The following ARID1B variants were observed in gnomAD, a reference collection of about 807,000 sequenced individuals.
The protein encoded by ARID1B is AT-rich interaction domain 1B, also known as AT-rich interactive domain-containing protein 1B.
ARID1B carries 30 observed loss-of-function variants against 212.3 expected under a neutral mutation model. The observed-to-expected ratio is 0.14, with a 90% CI of 0.11 to 0.19. The LOEUF is 0.19. Ranked by LOEUF, ARID1B falls within the 10% of genes least tolerant of loss-of-function variation. ARID1B has a pLI of 1.00. For synonymous variants in ARID1B, 1,402 were observed against 1,301.7 expected, an observed-to-expected ratio of 1.08 and a Z score of -1.66; for missense variants, 2,891 against 3,204.0, an observed-to-expected ratio of 0.90 and a Z score of 2.36.
Position 156,924,805 on chromosome 6 carries a change from A to G in ARID1B, c.2137-10661A>G, listed in dbSNP as rs541026954. Among the ~76,000 whole-genome samples, 9 of 152,302 alleles carry G rather than the reference A, an allele frequency of 5.9e-5. No individual in the cohort carries two copies. The South Asian group carries it at 1.7e-3, about 28-fold the overall frequency. ...TATAGATTTTTAAAAATTATTAGAT[A>G]CATTACTTTTTCCCTACAAAAAGTA... On this transcript the variant is annotated intron_variant, in intron 3 of 19. Coordinates refer to ENST00000636930, the MANE Select transcript of ARID1B (RefSeq NM_001374828.1).
rs145480545 is a variant in ARID1B, at chr6:157,078,458, G to A, written c.2248-6204G>A. On this transcript the variant is annotated intron_variant, in intron 4 of 19. Transcript: ENST00000636930. The stretch of plus-strand genomic sequence containing the variant: ...TACTATGTTGAGAGGTCTATTTGTT[G>A]TTCTTTCTAGTCTACGTAACTCCTG... Among the ~76,000 whole-genome samples the A allele has an allele frequency of 4.5e-3, 688 of 152,272 alleles. 1 individual carries two copies. Among genetic ancestry groups the A allele is most frequent in the African/African-American group, 0.015 (641 of 41,550 alleles).
chr6:156,894,318 T>TGGGGAG (rs1788217681), intron 2 of ARID1B, among the ~76,000 whole-genome samples: 1 of 111,080 alleles, frequency 9.0e-6, no homozygotes. Flanking sequence ...GGGGTTGGGA[T>TGGGGAG]GGGGAACAGA....
intron 4 of ARID1B, among the ~76,000 whole-genome samples, chr6:156,954,809 C>G (rs1793841888): frequency 6.6e-6 from 1 of 152,182 alleles, no homozygotes; most frequent in Non-Finnish European, 1.5e-5. Flanking sequence ...TTAATAGTTA[C>G]TTTAACTATT....
chr6:156,816,996 G>A (rs1444449769), intron 1 of ARID1B, among the ~76,000 whole-genome samples: 1 of 151,846 alleles, frequency 6.6e-6, no homozygotes, highest in African/African-American at 2.4e-5. Context: ...ATAATCAGAA[G>A]GTCTGGCAGG....
chr6:157,120,497 C>T (rs766236339), intron 6 of ARID1B, among the ~76,000 whole-genome samples: 1 of 152,194 alleles, frequency 6.6e-6, no homozygotes, highest in Non-Finnish European at 1.5e-5. Context: ...TTCCTGTCTT[C>T]TTCAAAGTAG....
intron 7 of ARID1B, among the ~76,000 whole-genome samples, chr6:157,138,981 T>C (rs1212239116): frequency 2.0e-5 from 3 of 152,206 alleles, no homozygotes; most frequent in Admixed American, 1.3e-4. Flanking sequence ...CTTCAAGTTA[T>C]AAGACGTAAG....
intron 1 of ARID1B, among the ~76,000 whole-genome samples, chr6:156,794,354 A>G (rs1001385418): frequency 2.0e-5 from 3 of 151,872 alleles, no homozygotes; most frequent in Non-Finnish European, 4.4e-5. Context: ...GGCCCAAGCA[A>G]TCCTCCCACC....
intron 3 of ARID1B, among the ~76,000 whole-genome samples, chr6:156,915,759 G>A (rs1355509634): frequency 6.6e-6 from 1 of 151,934 alleles, no homozygotes; most frequent in Non-Finnish European, 1.5e-5. Context: ...AGCTAGATGT[G>A]GTGGTGCATA....
chr6:156,915,222 T>C (rs910031326), intron 3 of ARID1B, among the ~76,000 whole-genome samples: 1 of 152,214 alleles, frequency 6.6e-6, no homozygotes, highest in African/African-American at 2.4e-5. Context: ...TAGATGCATG[T>C]ATGTGAGCAA....
chr6:157,103,285 A>G (rs925564701), intron 5 of ARID1B, among the ~76,000 whole-genome samples: 6 of 152,242 alleles, frequency 3.9e-5, no homozygotes, highest in African/African-American at 1.2e-4. Context: ...AATGGTTACT[A>G]TATGCCTGGT....
chr6:157,184,738 T>A lies in ARID1B; in HGVS notation c.3919+303T>A, dbSNP rs1377281032. On this transcript the variant is annotated intron_variant, in intron 13 of 19. Coordinates refer to ENST00000636930, the MANE Select transcript of ARID1B (RefSeq NM_001374828.1). The stretch of plus-strand genomic sequence containing the variant: ...TATACGTTTATTGCTTATACAAGTA[T>A]TCAAAAAGATTCCATCTACCTCTAC... The A allele has an allele frequency of 9.6e-6, 4 of 418,172 alleles. No homozygotes were observed. In the Admixed American group the frequency reaches 1.6e-4, roughly 16 times the overall value. The allele number at this position is 418,172 out of a possible 1,614,324, so 25.9% of individuals were successfully genotyped here. A position where few individuals can be genotyped will look rare whatever the true frequency, so the allele number is the denominator to read the frequency against.
chr6:157,020,901 C>T (rs2128472610), intron 4 of ARID1B, among the ~76,000 whole-genome samples: 1 of 152,288 alleles, frequency 6.6e-6, no homozygotes, highest in South Asian at 2.1e-4. Flanking sequence ...TGGCTAGAAA[C>T]GATACATTCT....
intron 12 of ARID1B, among the ~76,000 whole-genome samples, chr6:157,182,948 T>A (rs1792671996): frequency 6.6e-6 from 1 of 152,184 alleles, no homozygotes; most frequent in African/African-American, 2.4e-5. Flanking sequence ...TTAGATTTTA[T>A]CAGCCAGCAC....
intron 4 of ARID1B, among the ~76,000 whole-genome samples, chr6:157,019,453 T>C (rs1780096930): frequency 6.6e-6 from 1 of 152,236 alleles, no homozygotes; most frequent in South Asian, 2.1e-4. Flanking sequence ...AAGAAACTTG[T>C]CTAACTTCTC....
At chr6:157,180,930 A>G (rs750429778) in intron 11 of ARID1B, 39 bp from the exon 12 acceptor site, 5 of 1,577,066 alleles carry the variant, frequency 3.2e-6, no homozygotes, top group Non-Finnish European at 3.5e-6. Context: ...CCCTCTGCCC[A>G]CCCATGCCCC....
Position 156,779,093 on chromosome 6 carries a change from G to C in ARID1B, c.1413G>C (p.Ala471=), listed in dbSNP as rs2114995562. 1 of 1,226,568 alleles carries C rather than the reference G, an allele frequency of 8.2e-7. No homozygotes were observed. Among genetic ancestry groups the C allele is most frequent in the African/African-American group, 1.6e-5 (1 of 62,380 alleles). The allele number at this position is 1,226,568 out of a possible 1,614,324, so 76.0% of individuals were successfully genotyped here. The part of the protein sequence containing the change: ...MMMGPGGGGA[A]SLSKAAAGSA... ...TGGGCCCCGGGGGCGGCGGGGCCGC[G>C]AGCCTCAGCAAGGCGGCCGCCGGCT... Residue 471 remains alanine, a synonymous_variant, in exon 1 of 20, where the codon GCG becomes GCC. Coordinates refer to ENST00000636930, the MANE Select transcript of ARID1B (RefSeq NM_001374828.1).
chr6:156,815,930 C>T (rs1781934062), intron 1 of ARID1B, among the ~76,000 whole-genome samples: 1 of 152,064 alleles, frequency 6.6e-6, no homozygotes, highest in Admixed American at 6.6e-5. Context: ...AAAACATTGC[C>T]CAGGCAGGTT....
chr6:156,801,781 G>T (rs1383709927), intron 1 of ARID1B, among the ~76,000 whole-genome samples: 1 of 152,062 alleles, frequency 6.6e-6, no homozygotes, highest in Non-Finnish European at 1.5e-5. Flanking sequence ...GAAAATAAAT[G>T]TAAGTTTAGT....
intron 1 of ARID1B, among the ~76,000 whole-genome samples, chr6:156,805,531 A>G (rs976727337): frequency 2.0e-5 from 3 of 152,122 alleles, no homozygotes; most frequent in South Asian, 2.1e-4. Flanking sequence ...AAGGGCAGCT[A>G]TTGGTTTGCC....
Sources: allele counts gnomAD v4.1 joint callset (sites outside exome capture counted in the v4.1 genomes callset), GRCh38; gene constraint gnomAD v4.1.1; transcripts MANE v1.5; gene names NCBI Gene and HGNC (gene_info 2026-07-23, HGNC 2026-07-21).